METTL21C: variants seen among roughly 807,000 people sequenced by gnomAD.
METTL21C encodes protein-lysine methyltransferase METTL21C.
In METTL21C, 21 loss-of-function variants were observed where a neutral mutation model predicts 25.9. The observed-to-expected ratio is 0.81, with a 90% confidence interval of 0.58 to 1.17. The LOEUF is 1.17. Ranked by LOEUF, METTL21C falls within the 50% of genes most tolerant of loss-of-function variation. METTL21C has a pLI of 0.00. For synonymous variants in METTL21C, 125 were observed against 124.7 expected, an observed-to-expected ratio of 1.00 and a Z score of -0.01; for missense variants, 312 against 315.1, an observed-to-expected ratio of 0.99 and a Z score of 0.07.
chr13:102,691,668 C>A (rs1885834364), intron 1 of METTL21C, among the ~76,000 whole-genome samples: 1 of 152,098 alleles, frequency 6.6e-6, no homozygotes, highest in East Asian at 1.9e-4. Context: ...ATTTTTAGGT[C>A]TTGAAGTGAA....
rs1595241095 is a variant in METTL21C, at chr13:102,685,992, A to G, written c.*39T>C. 2 of 1,529,424 alleles carry G rather than the reference A, an allele frequency of 1.3e-6. No individual in the cohort carries two copies. Among genetic ancestry groups the G allele is most frequent in the East Asian group, 4.5e-5 (2 of 44,122 alleles). 94.7% of individuals were successfully genotyped at this position (1,529,424 alleles called of 1,614,324 possible). A position where few individuals can be genotyped will look rare whatever the true frequency, so the allele number is the denominator to read the frequency against. ...CAAAGCAATTTCTAACACATTGCTC[A>G]AAAGACACAGTAACGTTGTGAAAGG... On this transcript the variant is annotated 3_prime_UTR_variant, in exon 4 of 4. Transcript: ENST00000267273.
chr13:102,702,342 A>G, the METTL21C span, among the ~76,000 whole-genome samples: 1 of 152,164 alleles, frequency 6.6e-6, no homozygotes, highest in Non-Finnish European at 1.5e-5. Flanking sequence ...AAAATTACAA[A>G]GACAGGAAAA....
chr13:102,686,959 G>A lies in METTL21C; in HGVS notation c.381C>T (p.Ser127=). 1 of 1,613,890 alleles carries A rather than the reference G, an allele frequency of 6.2e-7. No individual in the cohort carries two copies. The highest frequency in any genetic ancestry group is 8.5e-7 in the Non-Finnish European group (1 of 1,179,804). ...LEIGAGPGLV[S]IVASILGAQV... is the part of the protein sequence containing the mutation. ...ACAAACCTAAAATACTGGCCACAAT[G>A]GAAACAAGGCCTGGTCCGGCACCAA... The change falls in exon 3 of 4, where the codon TCC becomes TCT. Residue 127 remains serine, a synonymous_variant. Coordinates refer to ENST00000267273, the MANE Select transcript of METTL21C (RefSeq NM_001010977.3).
chr13:102,686,239 A>AC lies in METTL21C; in HGVS notation c.586dup (p.Val196GlyfsTer37), dbSNP rs772514954. On this transcript the variant is annotated frameshift_variant, in exon 4 of 4. Coordinates refer to ENST00000267273, the MANE Select transcript of METTL21C (RefSeq NM_001010977.3). LOFTEE classifies it high-confidence loss of function. ...CTTGTCCAGGAAGTAGTGATGGTAG[A>AC]CCACATCTGAGGCTAGGACGTAATC... The AC allele has an allele frequency of 1.1e-4, 171 of 1,614,224 alleles. 1 individual carries two copies. In the East Asian group the frequency reaches 3.3e-3, roughly 31 times the overall value.
chr13:102,693,736 G>A (rs1885883457), intron 1 of METTL21C, among the ~76,000 whole-genome samples: 1 of 152,180 alleles, frequency 6.6e-6, no homozygotes, highest in African/African-American at 2.4e-5. Context: ...GTGCTATTCT[G>A]ATAGTTTTAG....
At chr13:102,692,243 G>A (rs72653608) in intron 1 of METTL21C, among the ~76,000 whole-genome samples, 2,219 of 152,228 alleles carry the variant, frequency 0.015, 27 homozygotes, top group Middle Eastern at 0.072. Context: ...ACGAGGCAAA[G>A]GGAAGTGGGT....
upstream of METTL21C, among the ~76,000 whole-genome samples, chr13:102,697,043 T>G (rs540151954): frequency 6.6e-6 from 1 of 152,282 alleles, no homozygotes; most frequent in Admixed American, 6.5e-5. Context: ...AGTCAGTTAC[T>G]GGGAAGCAGA....
Position 102,686,158 on chromosome 13 carries a change from T to A in METTL21C, c.668A>T (p.Asn223Ile). Residue 223 changes from asparagine (N) to isoleucine (I), a missense_variant, in exon 4 of 4, where the codon AAC becomes ATC. Asn to Ile is a moderately radical substitution (Grantham distance 149). Coordinates refer to ENST00000267273, the MANE Select transcript of METTL21C (RefSeq NM_001010977.3). Reference sequence around the variant, plus strand: ...ATAGTCGGTGCTGAACCTGAATTTGTTTGCCCAAAGCAGCACCGTCCCTGG... The same window carrying A: ...ATAGTCGGTGCTGAACCTGAATTTGATTGCCCAAAGCAGCACCGTCCCTGG... ...SQPGTVLLWA[N>I]KFRFSTDYEF... 1 of 1,614,196 alleles carries A rather than the reference T, an allele frequency of 6.2e-7. No homozygotes were observed. The highest frequency in any genetic ancestry group is 2.2e-5 in the East Asian group (1 of 44,886).
At position 102,690,064 on chromosome 13, in the gene METTL21C, G is replaced by T. The variant is rs918308847; in HGVS notation, c.282+749C>A. 2.0e-5 allele frequency among the ~76,000 whole-genome samples: 3 copies of T among 152,264 alleles called. No individual in the cohort carries two copies. In the South Asian group the frequency reaches 6.2e-4, roughly 32 times the overall value. On this transcript the variant is annotated intron_variant, in intron 2 of 3. Coordinates refer to ENST00000267273, the MANE Select transcript of METTL21C (RefSeq NM_001010977.3). ...ATCCTCTCAGGGCTGTGGCAGGGGT[G>T]ACATGCCACAAAGTCATGCTTCCTA...
rs746190090 is a variant in METTL21C, at chr13:102,694,336, G to GAA, written c.130+31_130+32dup. 9 of 1,589,248 alleles carry GAA rather than the reference G, an allele frequency of 5.7e-6. No individual in the cohort carries two copies. In the African/African-American group the frequency reaches 1.2e-4, roughly 22 times the overall value. On this transcript the variant is annotated intron_variant, in intron 1 of 3. Transcript: ENST00000267273. ...TGTCATCGCCAGGAAAACAACTGAG[G>GAA]AAAACTGTTGAAGTGATGAAGAAGG...
At chr13:102,688,485 G>A (rs1213111915) in intron 2 of METTL21C, among the ~76,000 whole-genome samples, 4 of 152,182 alleles carry the variant, frequency 2.6e-5, no homozygotes, top group Admixed American at 6.5e-5. Flanking sequence ...AGTCTGGGCC[G>A]ACTTCATGGG....
At chr13:102,703,473 T>G in the METTL21C span, among the ~76,000 whole-genome samples, 1 of 152,258 alleles carries the variant, frequency 6.6e-6, no homozygotes, top group Non-Finnish European at 1.5e-5. Flanking sequence ...CCAGTTTCAT[T>G]TAGTTTTGTC....
Position 102,690,881 on chromosome 13 carries a change from G to A in METTL21C, c.214C>T (p.Arg72Trp), listed in dbSNP as rs777158294. The change falls in exon 2 of 4, where the codon CGG becomes TGG. Residue 72 changes from arginine to tryptophan, a missense_variant. By Grantham distance (101) the Arg-to-Trp change is moderately radical. Transcript: ENST00000267273. ...ATGACAATCTCCTTTCCTGCAAACC[G>A]ATAATGCTCCTGAGTGTAGCTGGCG... Reference protein sequence around the residue: ...DYASYTQEHYRFAGKEIVIQE... With the variant: ...DYASYTQEHYWFAGKEIVIQE... The A allele has an allele frequency of 1.9e-5, 30 of 1,614,016 alleles. No homozygotes were observed. Among genetic ancestry groups the A allele is most frequent in the Non-Finnish European group, 2.2e-5 (26 of 1,180,018 alleles).
chr13:102,688,880 C>A (rs967174595), intron 2 of METTL21C, among the ~76,000 whole-genome samples: 2 of 152,102 alleles, frequency 1.3e-5, no homozygotes, highest in Admixed American at 6.5e-5. Flanking sequence ...CCGCCAGCCC[C>A]TTGTCCTGTT....
At chr13:102,691,432 C>G (rs1885829645) in intron 1 of METTL21C, among the ~76,000 whole-genome samples, 1 of 152,106 alleles carries the variant, frequency 6.6e-6, no homozygotes, top group African/African-American at 2.4e-5. Flanking sequence ...TCACCGCAAC[C>G]TCTGCTTCCC....
chr13:102,687,247 A>G (rs1375393792), intron 2 of METTL21C, among the ~76,000 whole-genome samples, 190 bp from the exon 3 acceptor site: 1 of 152,246 alleles, frequency 6.6e-6, no homozygotes, highest in African/African-American at 2.4e-5. Context: ...AATAAATTGC[A>G]TCTCAGGAAC....
At chr13:102,692,893 C>T (rs967712005) in intron 1 of METTL21C, among the ~76,000 whole-genome samples, 6 of 152,120 alleles carry the variant, frequency 3.9e-5, no homozygotes, top group Non-Finnish European at 8.8e-5. Context: ...AAGCCACTGA[C>T]ATCTAGCAGA....
At chr13:102,699,809 C>T (rs375077528), upstream of METTL21C, among the ~76,000 whole-genome samples, 170 of 152,318 alleles carry the variant, frequency 1.1e-3, 1 homozygote, top group African/African-American at 3.8e-3. Context: ...AATACCCCCC[C>T]GACCCAGCCC....
the METTL21C span, among the ~76,000 whole-genome samples, chr13:102,700,676 C>A: frequency 2.6e-5 from 4 of 152,156 alleles, no homozygotes; most frequent in Non-Finnish European, 2.9e-5. Context: ...ATAAATGATA[C>A]CTTTCTGCAG....
Sources: allele counts gnomAD v4.1 joint callset (sites outside exome capture counted in the v4.1 genomes callset), GRCh38; gene constraint gnomAD v4.1.1; transcripts MANE v1.5; gene names NCBI Gene and HGNC (gene_info 2026-07-23, HGNC 2026-07-21).